CMTM6: variants seen among roughly 807,000 people sequenced by gnomAD.
CMTM6 encodes the protein CKLF-like MARVEL transmembrane domain-containing protein 6.
CMTM6 carries 5 observed loss-of-function variants against 13.6 expected under a neutral mutation model. The observed-to-expected ratio is 0.37, with a 90% CI of 0.19 to 0.77. The LOEUF (loss-of-function observed/expected upper bound fraction) is 0.77, where lower values mean the gene tolerates loss of function less well. CMTM6 is among the 30% of genes least tolerant of loss of function. CMTM6 has a pLI of 0.50. For synonymous variants in CMTM6, 99 were observed against 84.5 expected (o/e 1.17, Z -0.94); for missense variants, 196 against 218.6 (o/e 0.90, Z 0.65).
At chr3:32,492,846 C>T (rs1697260079) in intron 1 of CMTM6, among the ~76,000 whole-genome samples, 1 of 152,228 alleles carries the variant, frequency 6.6e-6, no homozygotes, top group African/African-American at 2.4e-5. Context: ...TATGGGTCTA[C>T]TGACGAATTC....
chr3:32,483,811 A>G lies in CMTM6; in HGVS notation c.*149T>C, dbSNP rs1415256660. On this transcript the variant is annotated 3_prime_UTR_variant, in exon 4 of 4. Coordinates refer to ENST00000205636, the MANE Select transcript of CMTM6 (RefSeq NM_017801.3). ...TGGCCTACTTTGTGGTGACTGACAC[A>G]ATATTGATAAAACTGCCTTCTTGAC... 1 of 754,850 alleles carries G rather than the reference A, an allele frequency of 1.3e-6. No homozygotes were observed. The highest frequency in any genetic ancestry group is 3.0e-5 in the East Asian group (1 of 32,804). 46.8% of individuals were successfully genotyped at this position (754,850 alleles called of 1,614,324 possible).
intron 1 of CMTM6, among the ~76,000 whole-genome samples, chr3:32,496,590 C>T (rs539617274): frequency 1.3e-5 from 2 of 152,046 alleles, no homozygotes; most frequent in Admixed American, 1.3e-4. Flanking sequence ...GCTCAATGTA[C>T]AAGAAACAAT....
At chr3:32,495,677 G>A (rs767264693) in intron 1 of CMTM6, among the ~76,000 whole-genome samples, 42 of 152,262 alleles carry the variant, frequency 2.8e-4, no homozygotes, top group Admixed American at 5.2e-4. Context: ...GCAATAAAAG[G>A]TTATCTGTAG....
chr3:32,500,235 T>G (rs1209290942), intron 1 of CMTM6, among the ~76,000 whole-genome samples: 1 of 152,216 alleles, frequency 6.6e-6, no homozygotes, highest in East Asian at 1.9e-4. Context: ...TTAAAAAAAT[T>G]AAACATTTAA....
rs1697220509 is a variant in CMTM6 at position 32,488,055 on chromosome 3, C to T, written c.316-19G>A. On this transcript the variant is annotated intron_variant, in intron 2 of 3. Transcript: ENST00000205636. ...AAAAATCCTATGCATACATACAAAA[C>T]ACAAAAGGAATACAATACAGTTAGA... 1 of 1,497,216 alleles carries T rather than the reference C, an allele frequency of 6.7e-7. No individual in the cohort carries two copies. The highest frequency in any genetic ancestry group is 9.3e-7 in the Non-Finnish European group (1 of 1,077,720). 92.7% of individuals were successfully genotyped at this position (1,497,216 alleles called of 1,614,324 possible). A position where few individuals can be genotyped will look rare whatever the true frequency, so the allele number is the denominator to read the frequency against.
intron 1 of CMTM6, among the ~76,000 whole-genome samples, chr3:32,492,617 G>A (rs1313463689): frequency 6.6e-6 from 1 of 152,156 alleles, no homozygotes; most frequent in Non-Finnish European, 1.5e-5. Context: ...AGCTGATGTA[G>A]GAAATCAGGG....
intron 1 of CMTM6, among the ~76,000 whole-genome samples, chr3:32,500,653 T>C (rs546435387): frequency 3.5e-4 from 54 of 152,332 alleles, no homozygotes; most frequent in African/African-American, 1.3e-3. Flanking sequence ...TGTGTCCAAG[T>C]ATAACATTTA....
chr3:32,493,679 G>A (rs1201167056), intron 1 of CMTM6, among the ~76,000 whole-genome samples: 1 of 152,102 alleles, frequency 6.6e-6, no homozygotes, highest in Non-Finnish European at 1.5e-5. Flanking sequence ...TATGCAGAGG[G>A]GAAGAAACCA....
In CMTM6 at chr3:32,483,738, G is replaced by C. The variant is rs1697175623; in HGVS notation, c.*222C>G. ...CCTCCTCCCACCAAAATCTCCATTT[G>C]AGATAAGTTTCAATTATTATTTAAA... On this transcript the variant is annotated 3_prime_UTR_variant, in exon 4 of 4. Transcript: ENST00000205636. 2 of 321,782 alleles carry C rather than the reference G, an allele frequency of 6.2e-6. No homozygotes were observed. Among genetic ancestry groups the C allele is most frequent in the Non-Finnish European group, 1.1e-5 (2 of 179,206 alleles). The allele number at this position is 321,782 out of a possible 1,614,324, so 19.9% of individuals were successfully genotyped here. A position where few individuals can be genotyped will look rare whatever the true frequency, so the allele number is the denominator to read the frequency against.
rs1163932357 is a variant in CMTM6 at position 32,482,396 on chromosome 3, A to G, written c.*1564T>C. ...AAAAAAAAAAAAGGATGAGGTCATT[A>G]AACTTTATCACTGGAAACATGATTC... On this transcript the variant is annotated 3_prime_UTR_variant, in exon 4 of 4. Coordinates refer to ENST00000205636, the MANE Select transcript of CMTM6 (RefSeq NM_017801.3). 1.3e-5 allele frequency: 2 copies of G among 152,192 alleles called. No individual in the cohort carries two copies. Among genetic ancestry groups the G allele is most frequent in the African/African-American group, 2.4e-5 (1 of 41,456 alleles). 9.4% of individuals were successfully genotyped at this position (152,192 alleles called of 1,614,324 possible).
intron 3 of CMTM6, chr3:32,487,715 G>GT: frequency 4.9e-6 from 2 of 404,658 alleles, no homozygotes; most frequent in Non-Finnish European, 9.0e-6. Context: ...GGTATGTGGA[G>GT]TAAGTGGATT....
chr3:32,498,867 C>T (rs914320940), intron 1 of CMTM6, among the ~76,000 whole-genome samples: 2 of 151,858 alleles, frequency 1.3e-5, no homozygotes, highest in South Asian at 2.1e-4. Context: ...CATGAGCCAC[C>T]GCACCCGGCC....
At chr3:32,495,638 T>C (rs1163568015) in intron 1 of CMTM6, among the ~76,000 whole-genome samples, 3 of 152,148 alleles carry the variant, frequency 2.0e-5, no homozygotes, top group Non-Finnish European at 4.4e-5. Flanking sequence ...ATTAGACTAT[T>C]AGGCACACTC....
rs1213814641 is a variant in CMTM6 at position 32,482,965 on chromosome 3, G to A, written c.*995C>T. The A allele has an allele frequency of 2.0e-5, 3 of 152,402 alleles. No homozygotes were observed. The highest frequency in any genetic ancestry group is 6.5e-5 in the Admixed American group (1 of 15,270). The allele number at this position is 152,402 out of a possible 1,614,324, so 9.4% of individuals were successfully genotyped here. ...CATCTCGAACAGATGAAAAACCAAAGGCTGGTGTCCTAAAAAAAACAGATT... is the reference window on the plus strand; with the variant it reads ...CATCTCGAACAGATGAAAAACCAAAAGCTGGTGTCCTAAAAAAAACAGATT... On this transcript the variant is annotated 3_prime_UTR_variant, in exon 4 of 4. Coordinates refer to ENST00000205636, the MANE Select transcript of CMTM6 (RefSeq NM_017801.3).
chr3:32,497,668 G>A (rs1697308268), intron 1 of CMTM6, among the ~76,000 whole-genome samples: 1 of 151,576 alleles, frequency 6.6e-6, no homozygotes, highest in South Asian at 2.1e-4. Flanking sequence ...GACCAGCCTG[G>A]CCAACATAAT....
intron 1 of CMTM6, among the ~76,000 whole-genome samples, chr3:32,497,210 C>T (rs1434466630): frequency 3.3e-5 from 5 of 151,326 alleles, no homozygotes; most frequent in Non-Finnish European, 5.9e-5. Context: ...GGTGAAACCC[C>T]GTCTCTACTA....
At chr3:32,492,265 G>A (rs991257870) in intron 1 of CMTM6, among the ~76,000 whole-genome samples, 1 of 152,140 alleles carries the variant, frequency 6.6e-6, no homozygotes, top group Non-Finnish European at 1.5e-5. Flanking sequence ...CAGCAGAGAA[G>A]CAGTATATAG....
At chr3:32,498,781 T>C (rs1356152958) in intron 1 of CMTM6, among the ~76,000 whole-genome samples, 3 of 151,936 alleles carry the variant, frequency 2.0e-5, no homozygotes, top group African/African-American at 7.2e-5. Context: ...GGTTTCACCA[T>C]GTTGGCCAGG....
At chr3:32,498,024 T>C (rs907872211) in intron 1 of CMTM6, among the ~76,000 whole-genome samples, 8 of 152,118 alleles carry the variant, frequency 5.3e-5, no homozygotes, top group African/African-American at 1.7e-4. Context: ...GGCTCAATTA[T>C]TATTTTTTGG....
Sources: gnomAD v4.1 joint callset for allele counts (sites outside exome capture counted in the v4.1 genomes callset) on GRCh38, gnomAD v4.1.1 for gene constraint, MANE v1.5 for transcripts, NCBI Gene and HGNC (gene_info 2026-07-23, HGNC 2026-07-21) for gene names.